Variants in PCDH11X observed in about 807,000 individuals in gnomAD.
PCDH11X encodes protocadherin 11 X-linked, also known as protocadherin-11 X-linked.
A neutral mutation model predicts 53.3 loss-of-function variants in PCDH11X; 18 were observed. The observed-to-expected ratio is 0.34, with a 90% confidence interval of 0.23 to 0.50. PCDH11X has a LOEUF of 0.50. Ranked by LOEUF, PCDH11X falls within the 20% of genes least tolerant of loss-of-function variation. The pLI is 0.98. For synonymous variants in PCDH11X, 279 were observed against 393.3 expected (o/e 0.71, Z 3.44); for missense variants, 570 against 1,032.4 (o/e 0.55, Z 6.14).
chrX:92,346,650 AC>A (rs2069904135), intron 8 of PCDH11X, among the ~76,000 whole-genome samples: 1 of 112,225 alleles, frequency 8.9e-6, no homozygotes, highest in African/African-American at 3.2e-5. Flanking sequence ...ATGCATCTTG[AC>A]TTTTTACCAA....
intron 6 of PCDH11X, among the ~76,000 whole-genome samples, chrX:91,970,028 A>C (rs1299325615): frequency 1.8e-5 from 2 of 110,626 alleles, no homozygotes; most frequent in East Asian, 5.7e-4. Context: ...CGCTGACTTC[A>C]AGAAGTTGCA....
chrX:92,269,738 CT>C (rs2067910509), intron 8 of PCDH11X, among the ~76,000 whole-genome samples: 1 of 111,541 alleles, frequency 9.0e-6, no homozygotes, highest in African/African-American at 3.3e-5. Flanking sequence ...AAGGCCTCCC[CT>C]TAAGTCAGCT....
intron 9 of PCDH11X, among the ~76,000 whole-genome samples, chrX:92,422,808 C>T (rs1026386274): frequency 1.1e-4 from 12 of 110,279 alleles, no homozygotes; most frequent in East Asian, 8.6e-4. Context: ...ACCACATCCA[C>T]GCCAACGTCT....
chrX:92,038,334 T>A (rs1179034210), intron 6 of PCDH11X, among the ~76,000 whole-genome samples: 1 of 110,085 alleles, frequency 9.1e-6, no homozygotes, highest in Non-Finnish European at 1.9e-5. Flanking sequence ...CCCCATGCTG[T>A]GTACAGCCCA....
intron 6 of PCDH11X, among the ~76,000 whole-genome samples, chrX:92,100,807 A>G (rs141467011): frequency 0.037 from 4,059 of 110,633 alleles, 208 homozygotes; most frequent in African/African-American, 0.13. Context: ...GGGCTGCTTC[A>G]AGCGGGATCA....
intron 10 of PCDH11X, among the ~76,000 whole-genome samples, chrX:92,521,415 C>T (rs767860397): frequency 9.2e-4 from 102 of 110,838 alleles, no homozygotes; most frequent in African/African-American, 2.8e-3. Flanking sequence ...TTTTCTCAGC[C>T]GCAGATCTAA....
chrX:91,913,632 C>A (rs966323158), intron 6 of PCDH11X, among the ~76,000 whole-genome samples: 12 of 111,790 alleles, frequency 1.1e-4, no homozygotes, highest in Non-Finnish European at 1.3e-4. Context: ...ACCCTGATAG[C>A]TGAACACAAA....
rs1315193372 is a variant in PCDH11X at position 92,310,053 on chromosome X, C to T, written c.3144+46910C>T. ...TAACCATCGTTCTTGTTTTCTTACT[C>T]GGGTTTTTTTGCTCTGTTTTTCACC... On this transcript the variant is annotated intron_variant, in intron 8 of 10. Transcript: ENST00000682573. Among the ~76,000 whole-genome samples the T allele has an allele frequency of 3.6e-5, 4 of 112,053 alleles. No homozygotes were observed. The East Asian group carries it at 8.5e-4, about 24-fold the overall frequency.
At chrX:91,978,745 G>C (rs1182946419) in intron 6 of PCDH11X, among the ~76,000 whole-genome samples, 1 of 112,355 alleles carries the variant, frequency 8.9e-6, no homozygotes, top group Non-Finnish European at 1.9e-5. Context: ...TGGTTTTTGA[G>C]ATGGTGATAA....
intron 6 of PCDH11X, among the ~76,000 whole-genome samples, chrX:91,885,191 A>G (rs1431052591): frequency 9.3e-6 from 1 of 107,121 alleles, no homozygotes; most frequent in Admixed American, 1.0e-4. Flanking sequence ...ACAATATTAT[A>G]TTACATACTC....
chrX:92,074,880 T>C (rs923822596), intron 6 of PCDH11X, among the ~76,000 whole-genome samples: 2 of 111,460 alleles, frequency 1.8e-5, no homozygotes, highest in African/African-American at 6.5e-5. Context: ...CCTTTCTTAA[T>C]ATTATTCCAT....
At chrX:92,609,846 G>A (rs951676851) in intron 10 of PCDH11X, among the ~76,000 whole-genome samples, 2 of 111,218 alleles carry the variant, frequency 1.8e-5, no homozygotes, top group African/African-American at 6.5e-5. Context: ...GAGAACATGC[G>A]ATATTTGGCT....
intron 5 of PCDH11X, among the ~76,000 whole-genome samples, chrX:91,860,652 A>G (rs1269661065): frequency 8.9e-6 from 1 of 111,865 alleles, no homozygotes; most frequent in Non-Finnish European, 1.9e-5. Flanking sequence ...TAGCTAGTTC[A>G]TTGAGAGTTT....
At chrX:92,410,879 G>T (rs1193491617) in intron 9 of PCDH11X, among the ~76,000 whole-genome samples, 1 of 105,426 alleles carries the variant, frequency 9.5e-6, no homozygotes, top group Non-Finnish European at 1.9e-5. Context: ...AACGATATTG[G>T]TCTTCTATTA....
At chrX:92,159,911 C>T (rs1603080368) in intron 6 of PCDH11X, among the ~76,000 whole-genome samples, 1 of 57,496 alleles carries the variant, frequency 1.7e-5, no homozygotes, top group African/African-American at 1.0e-4. Context: ...TGTTATGAAT[C>T]TCCTGTTTTC....
chrX:91,946,593 A>AGC (rs1188850230), intron 6 of PCDH11X, among the ~76,000 whole-genome samples: 1 of 90,259 alleles, frequency 1.1e-5, no homozygotes, highest in Non-Finnish European at 2.2e-5. Context: ...ATATATATAT[A>AGC]TATATAGCTA....
intron 9 of PCDH11X, among the ~76,000 whole-genome samples, chrX:92,451,733 G>T (rs1246054079): frequency 8.9e-6 from 1 of 111,752 alleles, no homozygotes; most frequent in African/African-American, 3.2e-5. Flanking sequence ...ACAAACTTCT[G>T]GCATTCTAAT....
At chrX:92,526,243 G>A (rs1374604080) in intron 10 of PCDH11X, among the ~76,000 whole-genome samples, 1 of 111,247 alleles carries the variant, frequency 9.0e-6, no homozygotes, top group Non-Finnish European at 1.9e-5. Context: ...CAAAAATGAA[G>A]TGAAGAAAAG....
intron 1 of PCDH11X, among the ~76,000 whole-genome samples, chrX:91,791,717 T>G (rs2147521485): frequency 9.9e-6 from 1 of 101,218 alleles, no homozygotes; most frequent in Admixed American, 1.0e-4. Context: ...ATCCAAAATA[T>G]ACAAAAAGGA....
Sources: allele counts gnomAD v4.1 joint callset (sites outside exome capture counted in the v4.1 genomes callset), GRCh38; gene constraint gnomAD v4.1.1; transcripts MANE v1.5; gene names NCBI Gene and HGNC (gene_info 2026-07-23, HGNC 2026-07-21).